Variants in DDX50 observed in about 807,000 individuals in gnomAD.
DDX50 encodes ATP-dependent RNA helicase DDX50.
A neutral mutation model predicts 94.8 loss-of-function variants in DDX50; 56 were observed. That is an observed-to-expected ratio of 0.59 (90% CI 0.48 to 0.74). DDX50 has a LOEUF of 0.74. DDX50 is among the 30% of genes least tolerant of loss of function. DDX50 has a pLI of 0.00. For synonymous variants in DDX50, 264 were observed against 295.4 expected (o/e 0.89, Z 1.09); for missense variants, 713 against 881.2 (o/e 0.81, Z 2.42).
chr10:68,918,216 G>T (rs1841852338), intron 7 of DDX50, among the ~76,000 whole-genome samples: 1 of 151,574 alleles, frequency 6.6e-6, no homozygotes, highest in Admixed American at 6.6e-5. Context: ...GAGCCACTGC[G>T]CCCTGCCTAT....
In DDX50 at chr10:68,934,540, G is replaced by C. The variant is rs1452042175; in HGVS notation, c.1401+180G>C. Reference sequence around the variant, plus strand: ...ACTTTTGCAGATGATTAACTCTATTGTTTGTATTTGAAGCATGGAGCAACA... The same window carrying C: ...ACTTTTGCAGATGATTAACTCTATTCTTTGTATTTGAAGCATGGAGCAACA... On this transcript the variant is annotated intron_variant, in intron 9 of 14. Transcript: ENST00000373585. The surrounding 1 kb of genome is among the most constrained non-coding windows in gnomAD (Gnocchi z 4.0). Among the ~76,000 whole-genome samples the C allele has an allele frequency of 1.3e-5, 2 of 152,016 alleles. No individual in the cohort carries two copies. The highest frequency in any genetic ancestry group is 1.5e-5 in the Non-Finnish European group (1 of 68,004).
intron 7 of DDX50, 119 bp downstream of exon 7, chr10:68,914,323 T>G: frequency 9.4e-7 from 1 of 1,062,262 alleles, no homozygotes; most frequent in Non-Finnish European, 1.4e-6. Flanking sequence ...TTTTCTGCTC[T>G]TAGTAAGACA....
chr10:68,923,235 G>A (rs1841990985), intron 8 of DDX50, among the ~76,000 whole-genome samples: 1 of 132,618 alleles, frequency 7.5e-6, no homozygotes, highest in South Asian at 2.3e-4. Context: ...TTTTTTCGGA[G>A]ATGGGGTCTC....
At chr10:68,925,872 G>A (rs1308438991) in intron 8 of DDX50, among the ~76,000 whole-genome samples, 2 of 151,692 alleles carry the variant, frequency 1.3e-5, no homozygotes, top group Non-Finnish European at 2.9e-5. Flanking sequence ...AAATTAGCCA[G>A]GTGTGGTGAT....
In DDX50 at chr10:68,934,363, A is replaced by G. The variant is rs1355952488; in HGVS notation, c.1401+3A>G. 6.2e-7 allele frequency: 1 copy of G among 1,612,716 alleles called. No homozygotes were observed. Among genetic ancestry groups the G allele is most frequent in the Non-Finnish European group, 8.5e-7 (1 of 1,179,610 alleles). On this transcript the variant is annotated splice_donor_region_variant and intron_variant, in intron 9 of 14. Coordinates refer to ENST00000373585, the MANE Select transcript of DDX50 (RefSeq NM_024045.2). This position sits in a 1 kb window ranked among gnomAD's most constrained non-coding sequence, Gnocchi z 4.0. Reference sequence around the variant, plus strand: ...TGATTCAAAGTTCTCCTCCTCAGGTAGGAAATGGGATTTGATTTGGGAAAA... The same window carrying G: ...TGATTCAAAGTTCTCCTCCTCAGGTGGGAAATGGGATTTGATTTGGGAAAA...
rs1842436773 is a variant in DDX50, at chr10:68,936,964, G to A, written c.1624G>A (p.Val542Ile). ...RSLASVSYAA[V>I]DFFRPSAQRL... ...TCTGGCTTCCGTTTCTTACGCTGCT[G>A]TTGATTTTTTCCGACCATCAGCTCA... Residue 542 changes from valine (V) to isoleucine (I), a missense_variant, in exon 12 of 15, where the codon GTT becomes ATT. This residue lies in a region of DDX50 where 428 missense variants were observed against 602.3 expected (regional missense o/e 0.71). Transcript: ENST00000373585. The A allele has an allele frequency of 6.2e-7, 1 of 1,608,590 alleles. No homozygotes were observed. The highest frequency in any genetic ancestry group is 8.5e-7 in the Non-Finnish European group (1 of 1,177,822).
chr10:68,913,354 A>C (rs1437834298), intron 5 of DDX50, 37 bp from the exon 6 acceptor site: 5 of 1,603,840 alleles, frequency 3.1e-6, no homozygotes, highest in Non-Finnish European at 3.4e-6. Context: ...TGAAAGTTTG[A>C]ATTTTACATA....
chr10:68,946,604 G>A lies in DDX50; in HGVS notation c.2188G>A (p.Gly730Arg), dbSNP rs762266830. 25 of 1,613,768 alleles carry A rather than the reference G, an allele frequency of 1.5e-5. No homozygotes were observed. The highest frequency in any genetic ancestry group is 1.9e-5 in the Non-Finnish European group (22 of 1,179,930). ...RSGNRNRSRS[G>R]GHKRSFD ...TGGGAATAGAAATCGATCAAGAAGT[G>A]GGGGCCACAAACGGAGTTTTGACTG... The change falls in exon 15 of 15, where the codon GGG becomes AGG. Residue 730 changes from glycine (G) to arginine (R), a missense_variant. By Grantham distance (125) the Gly-to-Arg change is moderately radical. This residue lies in a region of DDX50 where 428 missense variants were observed against 602.3 expected (regional missense o/e 0.71). Coordinates refer to ENST00000373585, the MANE Select transcript of DDX50 (RefSeq NM_024045.2).
intron 8 of DDX50, among the ~76,000 whole-genome samples, chr10:68,932,240 T>C (rs1024233396): frequency 6.6e-6 from 1 of 152,210 alleles, no homozygotes; most frequent in Non-Finnish European, 1.5e-5. Flanking sequence ...GCTGAAATAC[T>C]GTTGGGGTTA....
chr10:68,938,480 T>C (rs763426047), intron 12 of DDX50, among the ~76,000 whole-genome samples: 10 of 152,144 alleles, frequency 6.6e-5, no homozygotes, highest in Non-Finnish European at 1.3e-4. Flanking sequence ...AGAGAGTGAG[T>C]GAGCGAACCT....
intron 12 of DDX50, among the ~76,000 whole-genome samples, chr10:68,937,852 C>T (rs746687546): frequency 7.9e-5 from 12 of 152,162 alleles, no homozygotes; most frequent in Non-Finnish European, 1.5e-4. Context: ...TCCCAAAGTG[C>T]TGGGATTACA....
intron 7 of DDX50, among the ~76,000 whole-genome samples, chr10:68,915,786 T>A (rs1234672062): frequency 6.6e-6 from 1 of 152,114 alleles, no homozygotes; most frequent in Non-Finnish European, 1.5e-5. Flanking sequence ...AGGTAACATG[T>A]CATCTTTCTA....
At chr10:68,919,582 T>G (rs1232840600) in intron 7 of DDX50, among the ~76,000 whole-genome samples, 1 of 152,202 alleles carries the variant, frequency 6.6e-6, no homozygotes, top group East Asian at 1.9e-4. Flanking sequence ...TATTGTTCCA[T>G]GTATATCAGT....
chr10:68,906,950 G>C lies in DDX50; in HGVS notation c.327G>C (p.Lys109Asn). The C allele has an allele frequency of 1.2e-6, 2 of 1,600,034 alleles. No individual in the cohort carries two copies. Among genetic ancestry groups the C allele is most frequent in the East Asian group, 4.5e-5 (2 of 44,758 alleles). Residue 109 changes from lysine to asparagine, a missense_variant, in exon 2 of 15, where the codon AAG becomes AAC. Physicochemically the swap from Lys to Asn is moderately conservative, Grantham distance 94. Transcript: ENST00000373585. ...GDIDEYEKKS[K>N]RVSSLDTSTH... is the part of the protein sequence containing the mutation. ...TAGATGAATATGAAAAAAAATCAAA[G>C]CGAGTATCATCTTTAGATACTTCTA...
intron 3 of DDX50, among the ~76,000 whole-genome samples, chr10:68,910,637 C>G (rs746960582): frequency 1.7e-4 from 26 of 152,140 alleles, no homozygotes; most frequent in Non-Finnish European, 3.4e-4. Flanking sequence ...TCCTGACCTC[C>G]TGATCTGTTC....
At chr10:68,914,258 G>T in intron 7 of DDX50, 54 bp downstream of exon 7, 2 of 1,587,748 alleles carry the variant, frequency 1.3e-6, no homozygotes, top group South Asian at 2.3e-5. Flanking sequence ...ATTTACTTTT[G>T]ACATTTGTTG....
chr10:68,941,526 T>C (rs940905284), intron 13 of DDX50, among the ~76,000 whole-genome samples: 2 of 152,204 alleles, frequency 1.3e-5, no homozygotes, highest in Non-Finnish European at 2.9e-5. Context: ...GTCTCACTAT[T>C]TGCCCAGGCT....
intron 7 of DDX50, among the ~76,000 whole-genome samples, chr10:68,918,986 A>G (rs1024026389): frequency 6.6e-6 from 1 of 152,088 alleles, no homozygotes; most frequent in Non-Finnish European, 1.5e-5. Context: ...ATGTTTAGAG[A>G]CGCACATACT....
chr10:68,935,880 T>C, intron 10 of DDX50, 126 bp from the exon 11 acceptor site: 1 of 663,918 alleles, frequency 1.5e-6, no homozygotes, highest in Non-Finnish European at 2.5e-6. Context: ...ACTGATCTTT[T>C]AATCTGCTAG....
Sources: gnomAD v4.1 joint callset for allele counts (sites outside exome capture counted in the v4.1 genomes callset) on GRCh38, gnomAD v4.1.1 for gene constraint, gnomAD v4.1.1 regional missense constraint, Gnocchi (gnomAD v3.1) non-coding constraint, MANE v1.5 for transcripts, NCBI Gene and HGNC (gene_info 2026-07-23, HGNC 2026-07-21) for gene names.